Variants in GFM2 observed in about 807,000 individuals in gnomAD.
The protein encoded by GFM2 is GTP dependent ribosome recycling factor mitochondrial 2.
In GFM2, 72 loss-of-function variants were observed where a neutral mutation model predicts 95.4. The ratio of observed to expected loss-of-function variants is 0.76; its 90% CI spans 0.62 to 0.92. The LOEUF (loss-of-function observed/expected upper bound fraction) is 0.92, where lower values mean the gene tolerates loss of function less well. Ranked by LOEUF, GFM2 falls within the 40% of genes least tolerant of loss-of-function variation. The pLI is 0.00. For synonymous variants in GFM2, 276 were observed against 317.5 expected (o/e 0.87, Z 1.39); for missense variants, 825 against 924.1 (o/e 0.89, Z 1.39).
At chr5:74,750,706 C>T in intron 6 of GFM2, 39 bp from the exon 7 acceptor site, 1 of 1,426,662 alleles carries the variant, frequency 7.0e-7, no homozygotes, top group Non-Finnish European at 9.8e-7. Context: ...TTCTTTTTAA[C>T]AAAACCATCA....
At position 74,730,371 on chromosome 5, in the gene GFM2, G is replaced by C. The variant is rs1311326129; in HGVS notation, c.1615C>G (p.His539Asp). Reference protein sequence around the residue: ...QTVLCGMGELHIEIIHDRIKR... With the variant: ...QTVLCGMGELDIEIIHDRIKR... Reference sequence around the variant, plus strand: ...ATTCGATCATGAATAATCTCTATATGTAACTCCCCCATACCACACAGAACA... The same window carrying C: ...ATTCGATCATGAATAATCTCTATATCTAACTCCCCCATACCACACAGAACA... The change falls in exon 17 of 21, where the codon CAT (histidine) becomes GAT (aspartate). Residue 539 changes from histidine to aspartate, a missense_variant. His to Asp is a moderately conservative substitution (Grantham distance 81). Coordinates refer to ENST00000296805, the MANE Select transcript of GFM2 (RefSeq NM_032380.5). The C allele has an allele frequency of 1.2e-6, 2 of 1,610,354 alleles. No individual in the cohort carries two copies. Among genetic ancestry groups the C allele is most frequent in the African/African-American group, 2.7e-5 (2 of 74,790 alleles).
At chr5:74,736,601 A>G in intron 15 of GFM2, 195 bp downstream of exon 15, 5 of 1,419,490 alleles carry the variant, frequency 3.5e-6, no homozygotes, top group Non-Finnish European at 4.6e-6. Flanking sequence ...GCCAAGAAAT[A>G]AGAAGAGAAA....
At chr5:74,738,777 C>A in intron 12 of GFM2, 135 bp from the exon 13 acceptor site, 1 of 714,830 alleles carries the variant, frequency 1.4e-6, no homozygotes, top group Non-Finnish European at 2.2e-6. Context: ...GTCTTTGTTA[C>A]GTAACTCTCT....
intron 16 of GFM2, among the ~76,000 whole-genome samples, chr5:74,732,276 TTC>T (rs983772172): frequency 3.9e-5 from 6 of 152,058 alleles, no homozygotes; most frequent in Non-Finnish European, 7.4e-5. Flanking sequence ...AATAAAACAT[TTC>T]TGTTTTAATT....
chr5:74,748,034 CAA>C (rs1743477919), intron 7 of GFM2, among the ~76,000 whole-genome samples: 1 of 152,250 alleles, frequency 6.6e-6, no homozygotes. Flanking sequence ...GGTGGCCACA[CAA>C]AGAGAATTAA....
At chr5:74,765,555 A>T (rs904945732) in intron 1 of GFM2, among the ~76,000 whole-genome samples, 6 of 152,208 alleles carry the variant, frequency 3.9e-5, no homozygotes, top group Non-Finnish European at 8.8e-5. Flanking sequence ...TGAGGGAGGA[A>T]ATTCGGGGGA....
At chr5:74,749,145 C>G (rs1743564257) in intron 7 of GFM2, among the ~76,000 whole-genome samples, 2 of 151,628 alleles carry the variant, frequency 1.3e-5, no homozygotes, top group Admixed American at 6.6e-5. Context: ...TCTGGAGTAG[C>G]TGGGATGACA....
At chr5:74,743,349 C>T (rs980387162) in intron 10 of GFM2, among the ~76,000 whole-genome samples, 2 of 152,024 alleles carry the variant, frequency 1.3e-5, no homozygotes, top group East Asian at 1.9e-4. Context: ...CCATAGTGGC[C>T]GCAACATTTA....
intron 5 of GFM2, among the ~76,000 whole-genome samples, chr5:74,757,964 G>C (rs931286444): frequency 6.6e-6 from 1 of 152,058 alleles, no homozygotes; most frequent in African/African-American, 2.4e-5. Context: ...GTTGTTTAAT[G>C]GGTATAGAAT....
At chr5:74,760,679 T>G (rs1190963768) in intron 3 of GFM2, among the ~76,000 whole-genome samples, 1 of 152,194 alleles carries the variant, frequency 6.6e-6, no homozygotes, top group Non-Finnish European at 1.5e-5. Flanking sequence ...CAACCTTTCC[T>G]TTGCTCAGTT....
intron 1 of GFM2, among the ~76,000 whole-genome samples, chr5:74,766,311 C>T (rs1744601962): frequency 6.6e-6 from 1 of 152,108 alleles, no homozygotes; most frequent in South Asian, 2.1e-4. Context: ...CTCAAAATAC[C>T]CATAAAAACA....
chr5:74,744,818 A>C (rs1743297108), intron 10 of GFM2, among the ~76,000 whole-genome samples: 1 of 152,150 alleles, frequency 6.6e-6, no homozygotes, highest in Non-Finnish European at 1.5e-5. Flanking sequence ...AAGAGAAACA[A>C]CCTCAAAGCC....
intron 16 of GFM2, among the ~76,000 whole-genome samples, chr5:74,731,322 TC>T (rs1742550341): frequency 6.6e-6 from 1 of 152,198 alleles, no homozygotes; most frequent in South Asian, 2.1e-4. Flanking sequence ...CTGACTTTTA[TC>T]TTTTTTGAAC....
chr5:74,751,720 CT>C (rs916811196), intron 5 of GFM2, among the ~76,000 whole-genome samples: 1 of 152,076 alleles, frequency 6.6e-6, no homozygotes, highest in African/African-American at 2.4e-5. Context: ...AGATGAAAAT[CT>C]TTTAAGTTTA....
intron 11 of GFM2, 80 bp downstream of exon 11, chr5:74,741,449 G>T: frequency 3.0e-6 from 2 of 667,004 alleles, no homozygotes; most frequent in African/African-American, 1.9e-5. Context: ...AAAAAAAAAT[G>T]CACACACATC....
Position 74,767,092 on chromosome 5 carries a change from G to C in GFM2, c.-179C>G, listed in dbSNP as rs548823289. 1 of 459,262 alleles carries C rather than the reference G, an allele frequency of 2.2e-6. No homozygotes were observed. Among genetic ancestry groups the C allele is most frequent in the African/African-American group, 2.0e-5 (1 of 50,450 alleles). 28.4% of individuals were successfully genotyped at this position (459,262 alleles called of 1,614,324 possible). A position where few individuals can be genotyped will look rare whatever the true frequency, so the allele number is the denominator to read the frequency against. Reference sequence around the variant, plus strand: ...AACGAAAAGAAAATAGGCTTTCTCCGCTCTACCGCCTCGGGCAGCCACACC... The same window carrying C: ...AACGAAAAGAAAATAGGCTTTCTCCCCTCTACCGCCTCGGGCAGCCACACC... On this transcript the variant is annotated 5_prime_UTR_variant, in exon 1 of 21. Coordinates refer to ENST00000296805, the MANE Select transcript of GFM2 (RefSeq NM_032380.5).
intron 2 of GFM2, among the ~76,000 whole-genome samples, chr5:74,761,677 TTAGAGCAGGTC>T (rs1744289080): frequency 1.3e-5 from 2 of 152,112 alleles, no homozygotes; most frequent in Non-Finnish European, 2.9e-5. Context: ...AATCACTGAG[TTAGAGCAGGTC>T]TGCTTAAGGC....
intron 10 of GFM2, chr5:74,741,898 A>G (rs1743129120): frequency 4.8e-6 from 1 of 209,566 alleles, no homozygotes; most frequent in Non-Finnish European, 9.4e-6. Flanking sequence ...AAATCAAAGA[A>G]AATGTGCAAC....
In GFM2 at chr5:74,758,879, A is replaced by G; in HGVS notation, c.274T>C (p.Tyr92His). Residue 92 changes from tyrosine (Y) to histidine (H), a missense_variant, in exon 5 of 21, where the codon TAC becomes CAC. Coordinates refer to ENST00000296805, the MANE Select transcript of GFM2 (RefSeq NM_032380.5). ...GKTTTTERILYYSGYTRSLGD... is the reference protein window; with the variant it reads ...GKTTTTERILHYSGYTRSLGD... ...AGTGATCTTGTATATCCGGAATAGT[A>G]CAATATTCTTTCTGTGGTGGTAGTT... 1 of 1,606,866 alleles carries G rather than the reference A, an allele frequency of 6.2e-7. No individual in the cohort carries two copies. The highest frequency in any genetic ancestry group is 8.5e-7 in the Non-Finnish European group (1 of 1,173,430).
Sources: gnomAD v4.1 joint callset for allele counts (sites outside exome capture counted in the v4.1 genomes callset) on GRCh38, gnomAD v4.1.1 for gene constraint, MANE v1.5 for transcripts, NCBI Gene and HGNC (gene_info 2026-07-23, HGNC 2026-07-21) for gene names.